PLA2G12B: variants seen among roughly 807,000 people sequenced by gnomAD.
PLA2G12B encodes the protein group XIIB secretory phospholipase A2-like protein.
In PLA2G12B, 19 loss-of-function variants were observed where a neutral mutation model predicts 22.3. The ratio of observed to expected loss-of-function variants is 0.85; its 90% CI spans 0.60 to 1.25. The LOEUF is 1.25. Among genes scored for constraint, PLA2G12B ranks in the 50% most tolerant of loss-of-function variants. PLA2G12B has a pLI of 0.00. For missense variants in PLA2G12B, 191 were observed against 246.6 expected (o/e 0.77, Z 1.51); for synonymous variants, 81 against 94.9 (o/e 0.85, Z 0.85).
chr10:72,944,394 T>C (rs955949699), intron 1 of PLA2G12B, among the ~76,000 whole-genome samples: 3 of 152,236 alleles, frequency 2.0e-5, no homozygotes, highest in Non-Finnish European at 4.4e-5. Context: ...CAAAATTGTC[T>C]TGATTATTCT....
At chr10:72,938,127 A>G (rs7072218) in intron 3 of PLA2G12B, among the ~76,000 whole-genome samples, 15 of 151,728 alleles carry the variant, frequency 9.9e-5, no homozygotes, top group Non-Finnish European at 1.9e-4. Flanking sequence ...AAAAAAAAAA[A>G]AAAGAAAGAA....
chr10:72,952,465 T>G (rs1315781187), intron 1 of PLA2G12B, among the ~76,000 whole-genome samples: 1 of 152,242 alleles, frequency 6.6e-6, no homozygotes, highest in East Asian at 1.9e-4. Flanking sequence ...CCCAGAGATC[T>G]GGTTGAATCT....
chr10:72,946,825 T>C (rs1384500976), intron 1 of PLA2G12B, among the ~76,000 whole-genome samples: 1 of 152,218 alleles, frequency 6.6e-6, no homozygotes, highest in Non-Finnish European at 1.5e-5. Flanking sequence ...TCTTTATATA[T>C]TTTGGAAGCC....
At chr10:72,942,180 G>A (rs1846373816) in intron 2 of PLA2G12B, among the ~76,000 whole-genome samples, 1 of 151,268 alleles carries the variant, frequency 6.6e-6, no homozygotes. Flanking sequence ...GTGTGTGTGT[G>A]TGTGTGTGCA....
chr10:72,943,450 CA>C (rs1846393132), intron 1 of PLA2G12B, among the ~76,000 whole-genome samples: 1 of 152,144 alleles, frequency 6.6e-6, no homozygotes, highest in African/African-American at 2.4e-5. Flanking sequence ...AGCAGCACCA[CA>C]AAAGGGTTTA....
chr10:72,941,149 C>T lies in PLA2G12B; in HGVS notation c.466+20G>A, dbSNP rs774141973. The T allele has an allele frequency of 1.8e-5, 29 of 1,610,634 alleles. No individual in the cohort carries two copies. The highest frequency in any genetic ancestry group is 2.2e-5 in the South Asian group (2 of 90,858). The stretch of plus-strand genomic sequence containing the variant: ...GGAACAAACCTCCCTGTGCACTGTA[C>T]GTGCCATTGAGACACCTACCTTCCA... On this transcript the variant is annotated intron_variant, in intron 3 of 3. Coordinates refer to ENST00000373032, the MANE Select transcript of PLA2G12B (RefSeq NM_032562.5).
At chr10:72,947,654 T>C (rs1846464277) in intron 1 of PLA2G12B, among the ~76,000 whole-genome samples, 1 of 152,182 alleles carries the variant, frequency 6.6e-6, no homozygotes, top group Non-Finnish European at 1.5e-5. Flanking sequence ...CTCAAAAACA[T>C]TTTCATCACC....
At chr10:72,941,828 G>A (rs1846366525) in intron 2 of PLA2G12B, among the ~76,000 whole-genome samples, 1 of 152,052 alleles carries the variant, frequency 6.6e-6, no homozygotes, top group South Asian at 2.1e-4. Context: ...GTGTGTGTGT[G>A]TGTGGGTGTG....
intron 1 of PLA2G12B, among the ~76,000 whole-genome samples, chr10:72,944,459 C>T (rs1846410304): frequency 1.3e-5 from 2 of 152,110 alleles, no homozygotes; most frequent in Admixed American, 1.3e-4. Flanking sequence ...GTAGAATCAA[C>T]TTAGTAAATT....
chr10:72,936,659 A>C (rs1372173517), intron 3 of PLA2G12B, among the ~76,000 whole-genome samples: 1 of 152,194 alleles, frequency 6.6e-6, no homozygotes, highest in East Asian at 1.9e-4. Context: ...GGACTAATGA[A>C]AATGTTCTGG....
intron 1 of PLA2G12B, among the ~76,000 whole-genome samples, chr10:72,953,826 C>A (rs1846571508): frequency 6.6e-6 from 1 of 152,176 alleles, no homozygotes; most frequent in Non-Finnish European, 1.5e-5. Context: ...CCCCGGGATC[C>A]CTGGTGAGCC....
intron 3 of PLA2G12B, among the ~76,000 whole-genome samples, chr10:72,938,245 T>C (rs1027641524): frequency 1.3e-5 from 2 of 152,140 alleles, no homozygotes; most frequent in African/African-American, 4.8e-5. Context: ...ACAATCATTC[T>C]CAATGGTGAA....
chr10:72,949,706 G>A (rs1251618772), intron 1 of PLA2G12B, among the ~76,000 whole-genome samples: 1 of 152,150 alleles, frequency 6.6e-6, no homozygotes, highest in Admixed American at 6.5e-5. Flanking sequence ...GGCCGGGCGC[G>A]GTGGCTCACG....
At chr10:72,945,541 GGATCCCTGAC>G (rs1846426095) in intron 1 of PLA2G12B, among the ~76,000 whole-genome samples, 1 of 152,048 alleles carries the variant, frequency 6.6e-6, no homozygotes, top group African/African-American at 2.4e-5. Flanking sequence ...AGCCACTCCA[GGATCCCTGAC>G]CCTCAGCAAG....
intron 1 of PLA2G12B, among the ~76,000 whole-genome samples, chr10:72,948,090 G>T (rs1846471611): frequency 1.3e-5 from 2 of 152,082 alleles, no homozygotes. Flanking sequence ...TGTTCAGGCT[G>T]GTCTCAAACG....
chr10:72,935,714 G>A lies in PLA2G12B; in HGVS notation c.491C>T (p.Thr164Ile). The change falls in exon 4 of 4, where the codon ACT becomes ATT. Residue 164 changes from threonine (T) to isoleucine (I), a missense_variant. Transcript: ENST00000373032. The stretch of plus-strand genomic sequence containing the variant: ...CAAGGTCCACACGGTGTTGAACACA[G>A]TGTCAACCAGGGAATCACAGGCTGC... ...VEAACDSLVD[T>I]VFNTVWTLGC... The A allele has an allele frequency of 1.2e-6, 2 of 1,614,048 alleles. No individual in the cohort carries two copies. Among genetic ancestry groups the A allele is most frequent in the Non-Finnish European group, 1.7e-6 (2 of 1,179,934 alleles).
At chr10:72,937,990 T>C (rs1846303684) in intron 3 of PLA2G12B, among the ~76,000 whole-genome samples, 1 of 151,836 alleles carries the variant, frequency 6.6e-6, no homozygotes, top group Admixed American at 6.6e-5. Flanking sequence ...GGTGGGCACC[T>C]GTAATCCCAG....
At chr10:72,950,774 G>T (rs971976140) in intron 1 of PLA2G12B, among the ~76,000 whole-genome samples, 2 of 152,190 alleles carry the variant, frequency 1.3e-5, no homozygotes. Flanking sequence ...GATATTTAAA[G>T]AAACTTTTAA....
At chr10:72,936,413 C>T (rs1846280779) in intron 3 of PLA2G12B, among the ~76,000 whole-genome samples, 1 of 152,040 alleles carries the variant, frequency 6.6e-6, no homozygotes, top group Non-Finnish European at 1.5e-5. Flanking sequence ...GTTTAAACTT[C>T]AAGAATGGTC....
Sources: allele counts gnomAD v4.1 joint callset (sites outside exome capture counted in the v4.1 genomes callset), GRCh38; gene constraint gnomAD v4.1.1; transcripts MANE v1.5; gene names NCBI Gene and HGNC (gene_info 2026-07-23, HGNC 2026-07-21).